Variants in DCLRE1C observed in about 807,000 individuals in gnomAD.
DCLRE1C encodes the protein protein artemis.
A neutral mutation model predicts 61.4 loss-of-function variants in DCLRE1C; 47 were observed. The observed-to-expected ratio is 0.77, with a 90% CI of 0.61 to 0.98. The LOEUF is 0.98. Among genes scored for constraint, DCLRE1C ranks in the 50% least tolerant of loss-of-function variants. The pLI is 0.00. For missense variants in DCLRE1C, 858 were observed against 816.0 expected (o/e 1.05, Z -0.63); for synonymous variants, 337 against 287.6 (o/e 1.17, Z -1.74).
At chr10:14,951,488 T>C (rs1842458932) in intron 1 of DCLRE1C, among the ~76,000 whole-genome samples, 1 of 151,416 alleles carries the variant, frequency 6.6e-6, no homozygotes, top group Non-Finnish European at 1.5e-5. Context: ...TTCTCATGTT[T>C]GAGCTGCTAT....
chr10:14,907,857 C>CTTTTTTTTTTT lies in DCLRE1C; in HGVS notation c.*540_*550dup, dbSNP rs60410513. ...GGGTTTAGTTCTACCATTTTTTTTT[C>CTTTTTTTTTTT]TTTTTTTTTTTTTTTTTTTTTGAGA... On this transcript the variant is annotated 3_prime_UTR_variant, in exon 14 of 14. Coordinates refer to ENST00000378278, the MANE Select transcript of DCLRE1C (RefSeq NM_001033855.3). The CTTTTTTTTTTT allele has an allele frequency of 1.3e-3, 95 of 71,914 alleles. No individual in the cohort carries two copies. The highest frequency in any genetic ancestry group is 2.0e-3 in the East Asian group (5 of 2,450). The allele number at this position is 71,914 out of a possible 1,614,324, so 4.5% of individuals were successfully genotyped here.
intron 1 of DCLRE1C, among the ~76,000 whole-genome samples, chr10:14,952,752 G>A (rs1032901661): frequency 2.0e-5 from 3 of 152,192 alleles, no homozygotes; most frequent in Admixed American, 6.5e-5. Context: ...AGACGTGCAC[G>A]ATGCGAATAC....
intron 3 of DCLRE1C, among the ~76,000 whole-genome samples, chr10:14,944,770 G>A (rs1418330601): frequency 6.7e-6 from 1 of 149,694 alleles, no homozygotes; most frequent in East Asian, 2.0e-4. Context: ...TGCTTCCTGG[G>A]TTCAAGCAAT....
intron 12 of DCLRE1C, among the ~76,000 whole-genome samples, chr10:14,920,080 C>T (rs769251924): frequency 3.3e-5 from 5 of 152,056 alleles, no homozygotes; most frequent in Non-Finnish European, 7.4e-5. Flanking sequence ...TTAAATGCAA[C>T]CCGGTTGATG....
rs760789521 is a variant in DCLRE1C at position 14,928,042 on chromosome 10, C to A, written c.891G>T (p.Arg297Ser). 1 of 1,613,856 alleles carries A rather than the reference C, an allele frequency of 6.2e-7. No homozygotes were observed. Among genetic ancestry groups the A allele is most frequent in the South Asian group, 1.1e-5 (1 of 91,070 alleles). The change falls in exon 10 of 14, where the codon AGG (arginine) becomes AGT (serine). Residue 297 changes from arginine (R) to serine (S), a missense_variant. By Grantham distance (110) the Arg-to-Ser change is moderately radical. Transcript: ENST00000378278. ...IKPSTMWFGE[R>S]SRKTNVIVRT... Reference sequence around the variant, plus strand: ...TCACAATTACATTTGTTTTTCTGCTCCTTTCTCCAAACCACATGGTGGATG... The same window carrying A: ...TCACAATTACATTTGTTTTTCTGCTACTTTCTCCAAACCACATGGTGGATG...
rs1312288472 is a variant in DCLRE1C at position 14,928,078 on chromosome 10, G to A, written c.855C>T (p.Ile285=). Residue 285 remains isoleucine (I), a synonymous_variant, in exon 10 of 14, where the codon ATC becomes ATT. Coordinates refer to ENST00000378278, the MANE Select transcript of DCLRE1C (RefSeq NM_001033855.3). Reference sequence around the variant, plus strand: ...ACCACATGGTGGATGGCTTAATGCTGATTATGTGGAGTGGAATTCTATTTC... The same window carrying A: ...ACCACATGGTGGATGGCTTAATGCTAATTATGTGGAGTGGAATTCTATTTC... ...TSRNRIPLHI[I]SIKPSTMWFG... 1.2e-6 allele frequency: 2 copies of A among 1,613,514 alleles called. No individual in the cohort carries two copies. Among genetic ancestry groups the A allele is most frequent in the Non-Finnish European group, 1.7e-6 (2 of 1,179,770 alleles).
intron 13 of DCLRE1C, among the ~76,000 whole-genome samples, chr10:14,912,750 T>C (rs911338528): frequency 1.3e-5 from 2 of 152,194 alleles, no homozygotes; most frequent in East Asian, 1.9e-4. Context: ...AGTGCAGTGG[T>C]GTGATCTCAC....
intron 4 of DCLRE1C, among the ~76,000 whole-genome samples, chr10:14,937,980 C>A (rs1840246369): frequency 2.0e-5 from 3 of 151,648 alleles, no homozygotes; most frequent in South Asian, 2.1e-4. Context: ...TCGGCAAGGG[C>A]AAGACCTGCA....
downstream of DCLRE1C, chr10:14,901,322 C>T: frequency 1.9e-6 from 3 of 1,600,834 alleles, no homozygotes; most frequent in Non-Finnish European, 2.6e-6. Context: ...TCAAATCAGA[C>T]TAGGAACAGA....
intron 5 of DCLRE1C, 129 bp downstream of exon 5, chr10:14,936,409 A>G: frequency 1.4e-6 from 1 of 702,316 alleles, no homozygotes; most frequent in East Asian, 2.8e-5. Flanking sequence ...CAGCCTCCCA[A>G]AGCACTGGGA....
intron 6 of DCLRE1C, 93 bp downstream of exon 6, chr10:14,935,370 G>A (rs2130953410): frequency 1.1e-5 from 15 of 1,371,754 alleles, no homozygotes; most frequent in Non-Finnish European, 1.5e-5. Context: ...GGAGGCTGAG[G>A]CAGGAGAATC....
chr10:14,933,167 G>A (rs907955038), intron 8 of DCLRE1C, among the ~76,000 whole-genome samples: 2 of 152,150 alleles, frequency 1.3e-5, no homozygotes, highest in African/African-American at 2.4e-5. Flanking sequence ...CATCACTGAC[G>A]TCAGTGAACA....
At chr10:14,926,948 A>G (rs1459571157) in intron 10 of DCLRE1C, 51 bp from the exon 11 acceptor site, 1 of 1,510,244 alleles carries the variant, frequency 6.6e-7, no homozygotes. Flanking sequence ...CAAAACTAAA[A>G]CTAAGCAAAG....
At chr10:14,950,783 G>A (rs41304318) in intron 1 of DCLRE1C, among the ~76,000 whole-genome samples, 2,202 of 152,320 alleles carry the variant, frequency 0.014, 30 homozygotes, top group Non-Finnish European at 0.023. Flanking sequence ...ACCACCCTGA[G>A]GCCCCTTCCA....
intron 1 of DCLRE1C, among the ~76,000 whole-genome samples, chr10:14,951,290 T>C (rs917219286): frequency 1.4e-4 from 20 of 147,218 alleles, no homozygotes; most frequent in African/African-American, 2.5e-5. Flanking sequence ...GAGTACTTGC[T>C]GAGGTGGGAG....
chr10:14,901,052 G>T, downstream of DCLRE1C: 1 of 1,523,352 alleles, frequency 6.6e-7, no homozygotes, highest in Non-Finnish European at 8.9e-7. Flanking sequence ...AAATCTCTAG[G>T]AAAGTAAACA....
chr10:14,942,493 TATC>T (rs1841015929), intron 3 of DCLRE1C: 3 of 152,216 alleles, frequency 2.0e-5, no homozygotes, highest in Admixed American at 6.6e-5. Flanking sequence ...AGGTGGATGA[TATC>T]ATGCACACAA....
chr10:14,914,167 T>C (rs1835771924), intron 13 of DCLRE1C, among the ~76,000 whole-genome samples: 1 of 152,114 alleles, frequency 6.6e-6, no homozygotes, highest in Non-Finnish European at 1.5e-5. Context: ...CCACTTTAAA[T>C]ATAAAGACTA....
At chr10:14,931,016 T>C (rs1188809751) in intron 9 of DCLRE1C, among the ~76,000 whole-genome samples, 1 of 152,216 alleles carries the variant, frequency 6.6e-6, no homozygotes, top group Non-Finnish European at 1.5e-5. Context: ...TTTTGGCTAA[T>C]GGAACCATTA....
Sources: gnomAD v4.1 joint callset for allele counts (sites outside exome capture counted in the v4.1 genomes callset) on GRCh38, gnomAD v4.1.1 for gene constraint, MANE v1.5 for transcripts, NCBI Gene and HGNC (gene_info 2026-07-23, HGNC 2026-07-21) for gene names.